Variants in KIF26B observed in about 807,000 individuals in gnomAD.
The protein encoded by KIF26B is kinesin-like protein KIF26B.
KIF26B carries 63 observed loss-of-function variants against 151.2 expected under a neutral mutation model. The observed-to-expected ratio is 0.42, with a 90% CI of 0.34 to 0.51. The LOEUF is 0.51. Among genes scored for constraint, KIF26B ranks in the 20% least tolerant of loss-of-function variants. KIF26B has a pLI of 0.07. For missense variants in KIF26B, 2,813 were observed against 2,913.6 expected, an observed-to-expected ratio of 0.97 and a Z score of 0.79; for synonymous variants, 1,357 against 1,262.1, an observed-to-expected ratio of 1.08 and a Z score of -1.59.
intron 3 of KIF26B, among the ~76,000 whole-genome samples, chr1:245,388,203 G>GT (rs372323514): frequency 3.3e-3 from 493 of 148,944 alleles, no homozygotes; most frequent in African/African-American, 0.011. Context: ...AACAAGTCAG[G>GT]TTTTTTTTTT....
At chr1:245,543,581 C>T (rs1174025701) in intron 5 of KIF26B, among the ~76,000 whole-genome samples, 1 of 152,150 alleles carries the variant, frequency 6.6e-6, no homozygotes, top group East Asian at 1.9e-4. Context: ...CCCTCCTGAT[C>T]TGCTCAGGCT....
chr1:245,472,694 T>C (rs1315999154), intron 4 of KIF26B, among the ~76,000 whole-genome samples: 3 of 152,236 alleles, frequency 2.0e-5, no homozygotes, highest in Non-Finnish European at 4.4e-5. Context: ...CGTCTTTCTC[T>C]GGCTCACTTC....
Position 245,630,293 on chromosome 1 carries a change from T to C in KIF26B, c.2099-15828T>C, listed in dbSNP as rs147239951. 4.1e-4 allele frequency among the ~76,000 whole-genome samples: 62 copies of C among 152,334 alleles called. No individual in the cohort carries two copies. The East Asian group carries it at 0.012, about 28-fold the overall frequency. On this transcript the variant is annotated intron_variant, in intron 9 of 14. Transcript: ENST00000407071. ...AAGACACATGCACACATATATTTAT[T>C]GCAGCACTATTTACAATAGCAGAGA...
rs576756738 is a variant in KIF26B, at chr1:245,687,355, G to A, written c.4372G>A (p.Glu1458Lys). The A allele has an allele frequency of 1.3e-5, 20 of 1,594,212 alleles. No individual in the cohort carries two copies. The Admixed American group carries it at 3.0e-4, about 24-fold the overall frequency. The change falls in exon 12 of 15, where the codon GAA (glutamate) becomes AAA (lysine). Residue 1458 changes from glutamate (E) to lysine (K), a missense_variant. Around this residue, in one of 3 missense-constraint regions of KIF26B, gnomAD observed 2,060 missense variants for 2,088.6 expected, o/e 0.99. Coordinates refer to ENST00000407071, the MANE Select transcript of KIF26B (RefSeq NM_018012.4). This position sits in a 1 kb window ranked among gnomAD's most constrained non-coding sequence, Gnocchi z 4.9. Reference protein sequence around the residue: ...VKKETAHPNEEGMMRCETATG... With the variant: ...VKKETAHPNEKGMMRCETATG... ...AAAAGAGACGGCTCATCCCAATGAAGAAGGGATGATGAGGTGTGAGACTGC... is the reference window on the plus strand; with the variant it reads ...AAAAGAGACGGCTCATCCCAATGAAAAAGGGATGATGAGGTGTGAGACTGC...
At chr1:245,257,022 A>G (rs568267747) in intron 2 of KIF26B, among the ~76,000 whole-genome samples, 2 of 152,212 alleles carry the variant, frequency 1.3e-5, no homozygotes, top group South Asian at 2.1e-4. Flanking sequence ...TTTACCATCT[A>G]TTCTCTCCAA....
chr1:245,701,529 G>A (rs1330331742), intron 14 of KIF26B, among the ~76,000 whole-genome samples: 1 of 152,138 alleles, frequency 6.6e-6, no homozygotes, highest in Non-Finnish European at 1.5e-5. Flanking sequence ...AGCTCTCAGG[G>A]ACCTCATCTG....
intron 10 of KIF26B, among the ~76,000 whole-genome samples, chr1:245,672,376 C>T (rs556678197): frequency 8.4e-4 from 128 of 152,306 alleles, no homozygotes; most frequent in Middle Eastern, 6.8e-3. Context: ...CAGGGACAGA[C>T]GTGCGCATGA....
chr1:245,405,410 A>G (rs1674111836), intron 3 of KIF26B, among the ~76,000 whole-genome samples: 1 of 152,208 alleles, frequency 6.6e-6, no homozygotes, highest in Non-Finnish European at 1.5e-5. Context: ...TTGAGGAGAA[A>G]GATGCCTGAG....
chr1:245,648,844 G>A (rs1312425975), intron 10 of KIF26B, among the ~76,000 whole-genome samples: 1 of 152,120 alleles, frequency 6.6e-6, no homozygotes, highest in Non-Finnish European at 1.5e-5. Context: ...AAGTGTTTCT[G>A]TGTCTCAAGT....
rs762627266 is a variant in KIF26B, at chr1:245,419,595, C to G, written c.1016C>G (p.Thr339Arg). 6.2e-7 allele frequency: 1 copy of G among 1,610,700 alleles called. No individual in the cohort carries two copies. The highest frequency in any genetic ancestry group is 1.1e-5 in the South Asian group (1 of 90,564). ...LYPYQISQLMTESSREGLTEA... is the reference protein window; with the variant it reads ...LYPYQISQLMRESSREGLTEA... ...CTTTGTCAGATCTCCCAGCTGATGA[C>G]AGAGAGTAGCCGGGAGGGACTAACA... The change falls in exon 4 of 15, where the codon ACA (threonine) becomes AGA (arginine). Residue 339 changes from threonine (T) to arginine (R), a missense_variant. Physicochemically the swap from Thr to Arg is moderately conservative, Grantham distance 71. This residue lies in a region of KIF26B where 676 missense variants were observed against 688.1 expected (regional missense o/e 0.98). Coordinates refer to ENST00000407071, the MANE Select transcript of KIF26B (RefSeq NM_018012.4).
At chr1:245,309,711 A>C (rs1671628444) in intron 2 of KIF26B, among the ~76,000 whole-genome samples, 1 of 147,892 alleles carries the variant, frequency 6.8e-6, no homozygotes, top group African/African-American at 2.5e-5. Context: ...TATATATATT[A>C]GGTATATTTT....
At chr1:245,522,160 C>T (rs913612789) in intron 4 of KIF26B, among the ~76,000 whole-genome samples, 23 of 152,266 alleles carry the variant, frequency 1.5e-4, no homozygotes, top group South Asian at 4.1e-4. Flanking sequence ...TGAGCCACCG[C>T]GCCCGGCCTG....
At chr1:245,263,843 CTT>C (rs1449808127) in intron 2 of KIF26B, among the ~76,000 whole-genome samples, 1 of 152,202 alleles carries the variant, frequency 6.6e-6, no homozygotes. Flanking sequence ...TGTGAAATAA[CTT>C]TGGCTGATTG....
At chr1:245,533,634 T>C (rs1239761911) in intron 4 of KIF26B, among the ~76,000 whole-genome samples, 1 of 152,162 alleles carries the variant, frequency 6.6e-6, no homozygotes, top group African/African-American at 2.4e-5. Context: ...TTTAAAAGAT[T>C]GCTAGGTCAA....
chr1:245,231,196 C>T (rs1266318505), intron 2 of KIF26B, among the ~76,000 whole-genome samples: 1 of 152,052 alleles, frequency 6.6e-6, no homozygotes, highest in Non-Finnish European at 1.5e-5. Flanking sequence ...GAAGAACAAG[C>T]AGATGGAATA....
At position 245,698,872 on chromosome 1, in the gene KIF26B, CT is replaced by C. The variant is rs1449149758; in HGVS notation, c.6028-14del. 1 of 1,610,562 alleles carries C rather than the reference CT, an allele frequency of 6.2e-7. No individual in the cohort carries two copies. Among genetic ancestry groups the C allele is most frequent in the African/African-American group, 1.3e-5 (1 of 74,684 alleles). On this transcript the variant is annotated splice_polypyrimidine_tract_variant and intron_variant, in intron 13 of 14. Coordinates refer to ENST00000407071, the MANE Select transcript of KIF26B (RefSeq NM_018012.4). The surrounding 1 kb of genome is among the most constrained non-coding windows in gnomAD (Gnocchi z 4.0). ...TGAGCAGAAGGGCCCTTTCTCCTCT[CT>C]GTCTGTGTGCTAGGAGGCCATGTGC...
At chr1:245,376,098 A>G (rs1278595622) in intron 3 of KIF26B, among the ~76,000 whole-genome samples, 3 of 152,018 alleles carry the variant, frequency 2.0e-5, no homozygotes, top group African/African-American at 7.2e-5. Flanking sequence ...GATGGAAGGA[A>G]CGGGAGGGGA....
intron 4 of KIF26B, among the ~76,000 whole-genome samples, chr1:245,477,643 C>T (rs1243958512): frequency 6.6e-6 from 1 of 151,692 alleles, no homozygotes; most frequent in Non-Finnish European, 1.5e-5. Context: ...GTCTGGATAT[C>T]TCTGAGGGAA....
intron 2 of KIF26B, among the ~76,000 whole-genome samples, chr1:245,346,024 CT>C (rs1267167461): frequency 6.6e-6 from 1 of 151,682 alleles, no homozygotes; most frequent in African/African-American, 2.4e-5. Context: ...CTTCTGCCCC[CT>C]GGGTTCAAGC....
Sources: gnomAD v4.1 joint callset for allele counts (sites outside exome capture counted in the v4.1 genomes callset) on GRCh38, gnomAD v4.1.1 for gene constraint, gnomAD v4.1.1 regional missense constraint, Gnocchi (gnomAD v3.1) non-coding constraint, MANE v1.5 for transcripts, NCBI Gene and HGNC (gene_info 2026-07-23, HGNC 2026-07-21) for gene names.